Variants in RBMS3 observed in about 807,000 individuals in gnomAD.
RBMS3 encodes RNA-binding motif, single-stranded-interacting protein 3.
A neutral mutation model predicts 66.8 loss-of-function variants in RBMS3; 27 were observed. The ratio of observed to expected loss-of-function variants is 0.40; its 90% confidence interval spans 0.30 to 0.56. The LOEUF (loss-of-function observed/expected upper bound fraction) is 0.56. RBMS3 is among the 20% of genes least tolerant of loss of function. The pLI is 0.40. For missense variants in RBMS3, 513 were observed against 549.5 expected (o/e 0.93, Z 0.66); for synonymous variants, 188 against 183.0 (o/e 1.03, Z -0.22).
At chr3:29,819,548 T>C (rs146590194) in intron 6 of RBMS3, among the ~76,000 whole-genome samples, 1 of 152,226 alleles carries the variant, frequency 6.6e-6, no homozygotes, top group African/African-American at 2.4e-5. Flanking sequence ...TTTTGAGATT[T>C]ACAGATGGAT....
Position 29,991,141 on chromosome 3 carries a change from T to C in RBMS3, c.1239T>C (p.Gly413=). 1 of 1,614,108 alleles carries C rather than the reference T, an allele frequency of 6.2e-7. No homozygotes were observed. Among genetic ancestry groups the C allele is most frequent in the Non-Finnish European group, 8.5e-7 (1 of 1,180,020 alleles). The change falls in exon 14 of 15, where the codon GGT becomes GGC. Residue 413 remains glycine, a synonymous_variant. Coordinates refer to ENST00000383767, the MANE Select transcript of RBMS3 (RefSeq NM_001003793.3). ...CACCTTCATCCCAGGACACCAGTGG[T>C]CAGCAGCAACAGATAGCAGTGGACA... ...TVAPSSQDTS[G]QQQQIAVDTS...
chr3:29,611,750 T>C (rs1176615411), intron 4 of RBMS3, among the ~76,000 whole-genome samples: 1 of 152,044 alleles, frequency 6.6e-6, no homozygotes, highest in Non-Finnish European at 1.5e-5. Context: ...AACATATTTT[T>C]AGGAAATACA....
At chr3:29,792,749 T>C (rs1311034393) in intron 6 of RBMS3, among the ~76,000 whole-genome samples, 1 of 152,236 alleles carries the variant, frequency 6.6e-6, no homozygotes, top group Non-Finnish European at 1.5e-5. Flanking sequence ...AAATAATCAT[T>C]TATACCTCAA....
At chr3:29,728,897 T>A (rs73829327) in intron 4 of RBMS3, among the ~76,000 whole-genome samples, 9,082 of 152,146 alleles carry the variant, frequency 0.06, 888 homozygotes, top group African/African-American at 0.2. Context: ...TTGGACAATT[T>A]AGGAATAAAT....
intron 6 of RBMS3, among the ~76,000 whole-genome samples, chr3:29,806,315 G>A (rs565023114): frequency 2.3e-4 from 35 of 152,036 alleles, no homozygotes; most frequent in African/African-American, 7.9e-4. Context: ...TCAGCTAAAT[G>A]ACAAAATGCT....
chr3:29,993,249 T>C (rs1698997433), intron 14 of RBMS3, among the ~76,000 whole-genome samples: 1 of 149,154 alleles, frequency 6.7e-6, no homozygotes, highest in Non-Finnish European at 1.5e-5. Flanking sequence ...ATCACTTTTA[T>C]GTGCAAAACT....
At chr3:29,717,046 G>C (rs1413222519) in intron 4 of RBMS3, among the ~76,000 whole-genome samples, 1 of 151,998 alleles carries the variant, frequency 6.6e-6, no homozygotes, top group African/African-American at 2.4e-5. Flanking sequence ...GTATCCTTTA[G>C]GAGTTTGCAT....
At chr3:29,773,944 C>A (rs572381367) in intron 6 of RBMS3, among the ~76,000 whole-genome samples, 1 of 152,184 alleles carries the variant, frequency 6.6e-6, no homozygotes, top group South Asian at 2.1e-4. Flanking sequence ...TTCCTGGTCC[C>A]AATTCCCAAG....
intron 11 of RBMS3, among the ~76,000 whole-genome samples, chr3:29,940,406 C>T (rs956076330): frequency 6.6e-6 from 1 of 151,824 alleles, no homozygotes; most frequent in Admixed American, 6.6e-5. Context: ...ATTCTAAACT[C>T]TAGAAACAGA....
intron 3 of RBMS3, among the ~76,000 whole-genome samples, chr3:29,554,394 A>T (rs1158012069): frequency 6.6e-6 from 1 of 152,234 alleles, no homozygotes; most frequent in Non-Finnish European, 1.5e-5. Context: ...TAGATTCACT[A>T]AGCAGTAACA....
intron 7 of RBMS3, among the ~76,000 whole-genome samples, chr3:29,869,615 T>C (rs972007418): frequency 6.6e-6 from 1 of 152,128 alleles, no homozygotes; most frequent in Non-Finnish European, 1.5e-5. Flanking sequence ...CAATACAAAC[T>C]GGTAAAAAAG....
At chr3:29,855,187 T>G (rs2059039312) in intron 6 of RBMS3, among the ~76,000 whole-genome samples, 1 of 152,158 alleles carries the variant, frequency 6.6e-6, no homozygotes, top group African/African-American at 2.4e-5. Flanking sequence ...GTCATATAAT[T>G]CTGTTAGTTA....
At chr3:29,744,375 A>G (rs187237162) in intron 5 of RBMS3, among the ~76,000 whole-genome samples, 2 of 152,358 alleles carry the variant, frequency 1.3e-5, no homozygotes, top group African/African-American at 2.4e-5. Context: ...TGATAAACCA[A>G]TTGTGAGATA....
At chr3:29,724,694 T>G (rs1261323900) in intron 4 of RBMS3, among the ~76,000 whole-genome samples, 1 of 152,186 alleles carries the variant, frequency 6.6e-6, no homozygotes. Context: ...AAATTTAATT[T>G]TCATGCATAT....
At chr3:29,500,273 G>C (rs1042344473) in intron 3 of RBMS3, among the ~76,000 whole-genome samples, 4 of 151,300 alleles carry the variant, frequency 2.6e-5, no homozygotes, top group Non-Finnish European at 5.9e-5. Context: ...TTTTTATAGG[G>C]AAGCAGATGA....
intron 4 of RBMS3, among the ~76,000 whole-genome samples, chr3:29,686,253 C>G (rs1374412582): frequency 6.6e-6 from 1 of 152,116 alleles, no homozygotes; most frequent in East Asian, 1.9e-4. Context: ...TTGTATGTCT[C>G]TCAGTAAAAA....
chr3:29,380,602 G>GACGAAACTGAGTCAT, intron 1 of RBMS3, among the ~76,000 whole-genome samples: 1 of 152,286 alleles, frequency 6.6e-6, no homozygotes, highest in South Asian at 2.1e-4. Context: ...CTGAGTCATA[G>GACGAAACTGAGTCAT]AGGGATTAGG....
At chr3:29,295,840 T>C (rs2033224261) in intron 1 of RBMS3, among the ~76,000 whole-genome samples, 1 of 151,782 alleles carries the variant, frequency 6.6e-6, no homozygotes, top group Admixed American at 6.6e-5. Flanking sequence ...ATATAAATAC[T>C]AAAAATTAAA....
At chr3:29,342,436 C>T (rs983765746) in intron 1 of RBMS3, among the ~76,000 whole-genome samples, 3 of 152,130 alleles carry the variant, frequency 2.0e-5, no homozygotes, top group African/African-American at 7.2e-5. Flanking sequence ...CTGTGCCTTA[C>T]CCATTGTGTC....
Sources: allele counts gnomAD v4.1 joint callset (sites outside exome capture counted in the v4.1 genomes callset), GRCh38; gene constraint gnomAD v4.1.1; transcripts MANE v1.5; gene names NCBI Gene and HGNC (gene_info 2026-07-23, HGNC 2026-07-21).